The following PCDHB13 variants were observed in gnomAD, a reference collection of about 807,000 sequenced individuals.
PCDHB13 encodes the protein protocadherin beta 13, also known as protocadherin beta-13.
For missense variants in PCDHB13, 1,065 were observed against 1,016.7 expected (o/e 1.05, Z -0.65); for synonymous variants, 515 against 450.7 (o/e 1.14, Z -1.81).
At position 141,214,572 on chromosome 5, in the gene PCDHB13, G is replaced by C; in HGVS notation, c.449G>C (p.Gly150Ala). 3 of 1,614,126 alleles carry C rather than the reference G, an allele frequency of 1.9e-6. No homozygotes were observed. Among genetic ancestry groups the C allele is most frequent in the Non-Finnish European group, 2.5e-6 (3 of 1,180,040 alleles). The change falls in exon 1 of 1, where the codon GGG (glycine) becomes GCG (alanine). Residue 150 changes from glycine to alanine, a missense_variant. Coordinates refer to ENST00000341948, the MANE Select transcript of PCDHB13 (RefSeq NM_018933.4). ...LVKVSESSPP[G>A]TTFPLKNAED... ...AAAGTATCAGAGAGCAGTCCTCCTGGGACTACGTTTCCTCTGAAGAATGCC... is the reference window on the plus strand; with the variant it reads ...AAAGTATCAGAGAGCAGTCCTCCTGCGACTACGTTTCCTCTGAAGAATGCC...
chr5:141,215,438 G>A lies in PCDHB13; in HGVS notation c.1315G>A (p.Val439Met). The A allele has an allele frequency of 6.2e-7, 1 of 1,614,108 alleles. No homozygotes were observed. Among genetic ancestry groups the A allele is most frequent in the Non-Finnish European group, 8.5e-7 (1 of 1,180,030 alleles). ...PMLITQLNMTVLIADVNDNAP... is the reference protein window; with the variant it reads ...PMLITQLNMTMLIADVNDNAP... ...GCTGATAACACAGCTCAATATGACC[G>A]TGCTGATCGCCGATGTCAATGACAA... Residue 439 changes from valine to methionine, a missense_variant, in exon 1 of 1, where the codon GTG becomes ATG. Transcript: ENST00000341948.
In PCDHB13 at chr5:141,215,944, C is replaced by T; in HGVS notation, c.1821C>T (p.Leu607=). 6.2e-7 allele frequency: 1 copy of T among 1,607,460 alleles called. No individual in the cohort carries two copies. The highest frequency in any genetic ancestry group is 1.1e-5 in the South Asian group (1 of 90,904). ...ACGCCTGGCTGTCGTACCAGCTGCT[C>T]AAGGCCACGGAGCTCGGTCTGTTCG... is the stretch of plus-strand genomic sequence containing the variant. ...GQNAWLSYQL[L]KATELGLFGV... The change falls in exon 1 of 1, where the codon CTC becomes CTT. Residue 607 remains leucine, a synonymous_variant. Coordinates refer to ENST00000341948, the MANE Select transcript of PCDHB13 (RefSeq NM_018933.4).
chr5:141,217,017 C>G lies in PCDHB13; in HGVS notation c.*497C>G. The G allele has an allele frequency of 4.1e-6, 1 of 242,964 alleles. No individual in the cohort carries two copies. Among genetic ancestry groups the G allele is most frequent in the Non-Finnish European group, 8.5e-6 (1 of 118,152 alleles). The allele number at this position is 242,964 out of a possible 1,614,324, so 15.1% of individuals were successfully genotyped here. A position where few individuals can be genotyped will look rare whatever the true frequency, so the allele number is the denominator to read the frequency against. On this transcript the variant is annotated 3_prime_UTR_variant, in exon 1 of 1. Transcript: ENST00000341948. ...CAAAAATAAACCAGAAAACCTATAT[C>G]CTATGATACAACTCTAAGTGTTATC...
rs1554288267 is a variant in PCDHB13, at chr5:141,216,937, C to CT, written c.*423dup. On this transcript the variant is annotated 3_prime_UTR_variant, in exon 1 of 1. Coordinates refer to ENST00000341948, the MANE Select transcript of PCDHB13 (RefSeq NM_018933.4). ...ACTCCTATTCAGACATATCATTTTT[C>CT]TTTTTTGTAAATCCAGTGCGTTTTT... The CT allele has an allele frequency of 1.6e-5, 4 of 253,028 alleles. No homozygotes were observed. Among genetic ancestry groups the CT allele is most frequent in the Non-Finnish European group, 2.4e-5 (3 of 123,752 alleles). The allele number at this position is 253,028 out of a possible 1,614,324, so 15.7% of individuals were successfully genotyped here.
In PCDHB13 at chr5:141,217,456, A is replaced by G. The variant is rs1196924890; in HGVS notation, c.*936A>G. On this transcript the variant is annotated 3_prime_UTR_variant, in exon 1 of 1. Coordinates refer to ENST00000341948, the MANE Select transcript of PCDHB13 (RefSeq NM_018933.4). ...TTTATGACATAATTTGAAATTACCT[A>G]TATATTTCATTCTATTCAATTTTCA... 2 of 167,030 alleles carry G rather than the reference A, an allele frequency of 1.2e-5. No homozygotes were observed. The highest frequency in any genetic ancestry group is 2.4e-5 in the African/African-American group (1 of 41,382). 10.3% of individuals were successfully genotyped at this position (167,030 alleles called of 1,614,324 possible).
At position 141,216,344 on chromosome 5, in the gene PCDHB13, G is replaced by T. The variant is rs782535102; in HGVS notation, c.2221G>T (p.Gly741Cys). ...TCCAGGGCATCTTGTGGACATGAGCGGCACCAGGACCCTATCCCAGAGCTA... is the reference window on the plus strand; with the variant it reads ...TCCAGGGCATCTTGTGGACATGAGCTGCACCAGGACCCTATCCCAGAGCTA... The part of the protein sequence containing the change: ...PLPGHLVDMS[G>C]TRTLSQSYQY... The change falls in exon 1 of 1, where the codon GGC becomes TGC. Residue 741 changes from glycine (G) to cysteine (C), a missense_variant. Gly to Cys is a radical substitution (Grantham distance 159). Coordinates refer to ENST00000341948, the MANE Select transcript of PCDHB13 (RefSeq NM_018933.4). 6.2e-7 allele frequency: 1 copy of T among 1,614,180 alleles called. No individual in the cohort carries two copies. The highest frequency in any genetic ancestry group is 1.1e-5 in the South Asian group (1 of 91,078).
chr5:141,216,703 A>C lies in PCDHB13; in HGVS notation c.*183A>C. The C allele has an allele frequency of 1.4e-6, 1 of 727,884 alleles. No individual in the cohort carries two copies. The highest frequency in any genetic ancestry group is 2.5e-6 in the Non-Finnish European group (1 of 403,678). The allele number at this position is 727,884 out of a possible 1,614,324, so 45.1% of individuals were successfully genotyped here. A position where few individuals can be genotyped will look rare whatever the true frequency, so the allele number is the denominator to read the frequency against. On this transcript the variant is annotated 3_prime_UTR_variant, in exon 1 of 1. Coordinates refer to ENST00000341948, the MANE Select transcript of PCDHB13 (RefSeq NM_018933.4). ...TATTCCTGGTTCTTAAAAGGTGACA[A>C]TTCATTCTTTAACCCAGATGGTCTT...
In PCDHB13 at chr5:141,214,637, A is replaced by G. The variant is rs782729696; in HGVS notation, c.514A>G (p.Ile172Val). 1.2e-6 allele frequency: 2 copies of G among 1,614,198 alleles called. No individual in the cohort carries two copies. Among genetic ancestry groups the G allele is most frequent in the Admixed American group, 1.7e-5 (1 of 60,032 alleles). Residue 172 changes from isoleucine (I) to valine (V), a missense_variant, in exon 1 of 1, where the codon ATA becomes GTA. Ile to Val is a conservative substitution (Grantham distance 29). Transcript: ENST00000341948. The stretch of plus-strand genomic sequence containing the variant: ...AGGCCAAAACAATATTGAGAACTAT[A>G]TAATCAGCCCCAACTCCTATTTTCG... ...DVGQNNIENYIISPNSYFRVL... is the reference protein window; with the variant it reads ...DVGQNNIENYVISPNSYFRVL...
Position 141,215,136 on chromosome 5 carries a change from T to C in PCDHB13, c.1013T>C (p.Val338Ala). 2.5e-6 allele frequency: 4 copies of C among 1,614,136 alleles called. No homozygotes were observed. The highest frequency in any genetic ancestry group is 3.4e-6 in the Non-Finnish European group (4 of 1,180,040). ...FSGKCTVLIQ[V>A]IDVNDHAPEV... ...GGAAAATGCACCGTTCTGATTCAAG[T>C]GATAGATGTGAACGACCATGCCCCA... The change falls in exon 1 of 1, where the codon GTG (valine) becomes GCG (alanine). Residue 338 changes from valine to alanine, a missense_variant. Physicochemically the swap from Val to Ala is moderately conservative, Grantham distance 64. Coordinates refer to ENST00000341948, the MANE Select transcript of PCDHB13 (RefSeq NM_018933.4).
rs752878026 is a variant in PCDHB13, at chr5:141,215,740, G to A, written c.1617G>A (p.Pro539=). ...FRVGASDHGS[P]ALSSEALVRV... The stretch of plus-strand genomic sequence containing the variant: ...TGGGCGCTTCAGACCACGGCTCCCC[G>A]GCGCTGAGCAGCGAGGCGCTGGTGC... The change falls in exon 1 of 1, where the codon CCG becomes CCA. Residue 539 remains proline, a synonymous_variant. Transcript: ENST00000341948. The A allele has an allele frequency of 6.8e-6, 11 of 1,612,048 alleles. No individual in the cohort carries two copies. The highest frequency in any genetic ancestry group is 2.2e-5 in the East Asian group (1 of 44,886).
Position 141,215,041 on chromosome 5 carries a change from A to T in PCDHB13, c.918A>T (p.Lys306Asn), listed in dbSNP as rs1309972790. 5.0e-6 allele frequency: 8 copies of T among 1,614,208 alleles called. No individual in the cohort carries two copies. Among genetic ancestry groups the T allele is most frequent in the Non-Finnish European group, 6.8e-6 (8 of 1,180,040 alleles). ...TGACAGGAGAAATTGAACTAAAAAA[A>T]CAACTCGATTTCGAAAAACTTCAGT... ...NPLTGEIELK[K>N]QLDFEKLQSY... Residue 306 changes from lysine (K) to asparagine (N), a missense_variant, in exon 1 of 1, where the codon AAA (lysine) becomes AAT (asparagine). Transcript: ENST00000341948.
In PCDHB13 at chr5:141,218,623, T is replaced by G. The variant is rs1479214567; in HGVS notation, c.*2103T>G. On this transcript the variant is annotated 3_prime_UTR_variant, in exon 1 of 1. Transcript: ENST00000341948. Reference sequence around the variant, plus strand: ...ACAGCTATTTTTGTTTGTTTGTTTGTTTTTTGTTTTGTTTTGTTTTTGAGG... The same window carrying G: ...ACAGCTATTTTTGTTTGTTTGTTTGGTTTTTGTTTTGTTTTGTTTTTGAGG... The G allele has an allele frequency of 2.0e-5, 3 of 153,022 alleles. No individual in the cohort carries two copies. The highest frequency in any genetic ancestry group is 4.1e-4 in the South Asian group (2 of 4,826). 9.5% of individuals were successfully genotyped at this position (153,022 alleles called of 1,614,324 possible).
In PCDHB13 at chr5:141,217,724, C is replaced by T. The variant is rs1754647456; in HGVS notation, c.*1204C>T. The T allele has an allele frequency of 6.0e-6, 1 of 166,980 alleles. No individual in the cohort carries two copies. Among genetic ancestry groups the T allele is most frequent in the Non-Finnish European group, 1.5e-5 (1 of 68,128 alleles). 10.3% of individuals were successfully genotyped at this position (166,980 alleles called of 1,614,324 possible). A position where few individuals can be genotyped will look rare whatever the true frequency, so the allele number is the denominator to read the frequency against. On this transcript the variant is annotated 3_prime_UTR_variant, in exon 1 of 1. Coordinates refer to ENST00000341948, the MANE Select transcript of PCDHB13 (RefSeq NM_018933.4). ...TCTGACACACTATGTAAGAAAAAGA[C>T]TTCAAGGTTGGAGGAGGAGATTTTC...
rs1324378220 is a variant in PCDHB13, at chr5:141,215,104, C to A, written c.981C>A (p.Thr327=). The change falls in exon 1 of 1, where the codon ACC becomes ACA. Residue 327 remains threonine (T), a synonymous_variant. Coordinates refer to ENST00000341948, the MANE Select transcript of PCDHB13 (RefSeq NM_018933.4). ...EVNIEARDAG[T]FSGKCTVLIQ... is the part of the protein sequence containing the mutation. Reference sequence around the variant, plus strand: ...ATATTGAGGCAAGAGATGCTGGAACCTTTTCTGGAAAATGCACCGTTCTGA... The same window carrying A: ...ATATTGAGGCAAGAGATGCTGGAACATTTTCTGGAAAATGCACCGTTCTGA... 5.0e-6 allele frequency: 8 copies of A among 1,614,168 alleles called. No individual in the cohort carries two copies. The highest frequency in any genetic ancestry group is 2.2e-5 in the East Asian group (1 of 44,876).
Position 141,217,015 on chromosome 5 carries a change from A to G in PCDHB13, c.*495A>G, listed in dbSNP as rs1026905441. 14 of 245,452 alleles carry G rather than the reference A, an allele frequency of 5.7e-5. No homozygotes were observed. The highest frequency in any genetic ancestry group is 9.2e-5 in the Non-Finnish European group (11 of 119,600). The allele number at this position is 245,452 out of a possible 1,614,324, so 15.2% of individuals were successfully genotyped here. A position where few individuals can be genotyped will look rare whatever the true frequency, so the allele number is the denominator to read the frequency against. The stretch of plus-strand genomic sequence containing the variant: ...TTCAAAAATAAACCAGAAAACCTAT[A>G]TCCTATGATACAACTCTAAGTGTTA... On this transcript the variant is annotated 3_prime_UTR_variant, in exon 1 of 1. Transcript: ENST00000341948.
rs1169331628 is a variant in PCDHB13, at chr5:141,217,075, T to A, written c.*555T>A. On this transcript the variant is annotated 3_prime_UTR_variant, in exon 1 of 1. Coordinates refer to ENST00000341948, the MANE Select transcript of PCDHB13 (RefSeq NM_018933.4). ...TCGAAAGGGTCAGAAGACCAGTTTTTTAGTATCCTTTCCTCATTCATCCTG... is the reference window on the plus strand; with the variant it reads ...TCGAAAGGGTCAGAAGACCAGTTTTATAGTATCCTTTCCTCATTCATCCTG... 5.6e-6 allele frequency: 1 copy of A among 178,050 alleles called. No homozygotes were observed. Among genetic ancestry groups the A allele is most frequent in the African/African-American group, 2.4e-5 (1 of 41,512 alleles). The allele number at this position is 178,050 out of a possible 1,614,324, so 11.0% of individuals were successfully genotyped here. A position where few individuals can be genotyped will look rare whatever the true frequency, so the allele number is the denominator to read the frequency against.
Position 141,215,423 on chromosome 5 carries a change from C to G in PCDHB13, c.1300C>G (p.Gln434Glu). ...TDLGTPMLIT[Q>E]LNMTVLIADV... ...CTTGGGGACCCCTATGCTGATAACACAGCTCAATATGACCGTGCTGATCGC... is the reference window on the plus strand; with the variant it reads ...CTTGGGGACCCCTATGCTGATAACAGAGCTCAATATGACCGTGCTGATCGC... Residue 434 changes from glutamine (Q) to glutamate (E), a missense_variant, in exon 1 of 1, where the codon CAG (glutamine) becomes GAG (glutamate). By Grantham distance (29) the Gln-to-Glu change is conservative (BLOSUM62 2). Transcript: ENST00000341948. 6.2e-7 allele frequency: 1 copy of G among 1,614,186 alleles called. No homozygotes were observed. The highest frequency in any genetic ancestry group is 8.5e-7 in the Non-Finnish European group (1 of 1,180,040).
At position 141,216,568 on chromosome 5, in the gene PCDHB13, C is replaced by G; in HGVS notation, c.*48C>G. Reference sequence around the variant, plus strand: ...ATAGGTATTTTATTTTGTGGCATTTCCATGCCAATGTTTATTTCCCCCAAT... The same window carrying G: ...ATAGGTATTTTATTTTGTGGCATTTGCATGCCAATGTTTATTTCCCCCAAT... On this transcript the variant is annotated 3_prime_UTR_variant, in exon 1 of 1. Transcript: ENST00000341948. The G allele has an allele frequency of 7.0e-7, 1 of 1,424,546 alleles. No homozygotes were observed. The highest frequency in any genetic ancestry group is 9.9e-7 in the Non-Finnish European group (1 of 1,006,764). The allele number at this position is 1,424,546 out of a possible 1,614,324, so 88.2% of individuals were successfully genotyped here. A position where few individuals can be genotyped will look rare whatever the true frequency, so the allele number is the denominator to read the frequency against.
Position 141,216,107 on chromosome 5 carries a change from C to G in PCDHB13, c.1984C>G (p.Leu662Val), listed in dbSNP as rs782548552. The G allele has an allele frequency of 2.5e-6, 4 of 1,608,726 alleles. No homozygotes were observed. The Admixed American group carries it at 5.0e-5, about 20-fold the overall frequency. The change falls in exon 1 of 1, where the codon CTG (leucine) becomes GTG (valine). Residue 662 changes from leucine (L) to valine (V), a missense_variant. Leu to Val is a conservative substitution (Grantham distance 32). Coordinates refer to ENST00000341948, the MANE Select transcript of PCDHB13 (RefSeq NM_018933.4). ...GGCCACCGCCACGCTGCACGTGCTC[C>G]TGGTGGACGGCTTCTCCCAGCCCTA... ...RSATATLHVL[L>V]VDGFSQPYLP...
Sources: allele counts gnomAD v4.1 joint callset, GRCh38; gene constraint gnomAD v4.1.1; transcripts MANE v1.5; gene names NCBI Gene and HGNC (gene_info 2026-07-23, HGNC 2026-07-21).